Variants in ASAH1 observed in about 807,000 individuals in gnomAD.
ASAH1 encodes acid ceramidase.
Under a neutral mutation model 59.5 loss-of-function variants are expected in ASAH1, and 70 were observed. That is an observed-to-expected ratio of 1.18 (90% confidence interval 0.97 to 1.43). The LOEUF is 1.43. Ranked by LOEUF, ASAH1 falls within the 40% of genes most tolerant of loss-of-function variation. The pLI, the probability that ASAH1 is intolerant of heterozygous loss-of-function variation, is 0.00. For missense variants in ASAH1, 660 were observed against 482.5 expected (o/e 1.37, Z -3.45); for synonymous variants, 213 against 166.5 (o/e 1.28, Z -2.15).
At chr8:18,083,949 C>T in intron 1 of ASAH1, 32 bp downstream of exon 1, 8 of 1,590,528 alleles carry the variant, frequency 5.0e-6, no homozygotes, top group Non-Finnish European at 6.0e-6. Context: ...ACCTGCACGC[C>T]CCTCTCTGCG....
At position 18,062,340 on chromosome 8, in the gene ASAH1, T is replaced by C. The variant is rs1206454808; in HGVS notation, c.587A>G (p.Lys196Arg). 1 of 1,614,194 alleles carries C rather than the reference T, an allele frequency of 6.2e-7. No individual in the cohort carries two copies. Among genetic ancestry groups the C allele is most frequent in the African/African-American group, 1.3e-5 (1 of 75,052 alleles). ...TVNLDFQRNN[K>R]TVFKASSFAG... ...AAAGCTTGAAGCCTTGAAGACAGTT[T>C]TGTTGTTTCTTTGGAAATCCAAATT... The change falls in exon 8 of 14, where the codon AAA (lysine) becomes AGA (arginine). Residue 196 changes from lysine (K) to arginine (R), a missense_variant. By Grantham distance (26) the Lys-to-Arg change is conservative (BLOSUM62 2). Transcript: ENST00000637790.
rs12546423 is a variant in ASAH1 at position 18,071,605 on chromosome 8, G to T, written c.126-215C>A. Among the ~76,000 whole-genome samples the T allele has an allele frequency of 0.32, 49,070 of 151,890 alleles. 8,993 individuals carry two copies. Among genetic ancestry groups the T allele is most frequent in the South Asian group, 0.4 (1,945 of 4,812 alleles). On this transcript the variant is annotated intron_variant, in intron 2 of 13. Coordinates refer to ENST00000637790, the MANE Select transcript of ASAH1 (RefSeq NM_177924.5). ...GGTCACAGAAATCCTGGAATAGAAT[G>T]ATCTAGTAGGGAAGGTTCATGTGAA...
In ASAH1 at chr8:18,062,327, C is replaced by T. The variant is rs1312406201; in HGVS notation, c.600G>A (p.Lys200=). ...CCACATAGCCAGCAAAGCTTGAAGCCTTGAAGACAGTTTTGTTGTTTCTTT... is the reference window on the plus strand; with the variant it reads ...CCACATAGCCAGCAAAGCTTGAAGCTTTGAAGACAGTTTTGTTGTTTCTTT... ...DFQRNNKTVF[K]ASSFAGYVGM... Residue 200 remains lysine (K), a synonymous_variant, in exon 8 of 14, where the codon AAG becomes AAA. Transcript: ENST00000637790. 1 of 1,614,074 alleles carries T rather than the reference C, an allele frequency of 6.2e-7. No homozygotes were observed. Among genetic ancestry groups the T allele is most frequent in the Non-Finnish European group, 8.5e-7 (1 of 1,180,042 alleles).
intron 1 of ASAH1, among the ~76,000 whole-genome samples, chr8:18,081,094 C>G (rs1189046252): frequency 1.3e-5 from 2 of 152,090 alleles, no homozygotes; most frequent in Non-Finnish European, 2.9e-5. Flanking sequence ...TTAACATACA[C>G]CCCAAATGAA....
chr8:18,079,274 G>GAAAAAA (rs3831581), intron 1 of ASAH1, among the ~76,000 whole-genome samples: 1 of 116,882 alleles, frequency 8.6e-6, no homozygotes, highest in Non-Finnish European at 1.7e-5. Flanking sequence ...CTCCATCTCA[G>GAAAAAA]AAAAAAAAAA....
intron 5 of ASAH1, chr8:18,065,309 A>G (rs1799884407): frequency 6.6e-6 from 1 of 152,122 alleles, no homozygotes; most frequent in African/African-American, 2.4e-5. Flanking sequence ...TTACATAATA[A>G]AGGAATTAGA....
chr8:18,079,250 G>A (rs1313110011), intron 1 of ASAH1, among the ~76,000 whole-genome samples: 3 of 138,358 alleles, frequency 2.2e-5, no homozygotes, highest in African/African-American at 8.0e-5. Flanking sequence ...TCCAGCCTGG[G>A]AGACAGAGCA....
chr8:18,059,176 C>T, intron 12 of ASAH1, 165 bp downstream of exon 12: 1 of 1,077,222 alleles, frequency 9.3e-7, no homozygotes, highest in Non-Finnish European at 1.3e-6. Context: ...CACAATTTTG[C>T]TCTTTAAGTT....
intron 1 of ASAH1, among the ~76,000 whole-genome samples, chr8:18,079,906 T>C (rs577951755): frequency 6.6e-6 from 1 of 152,374 alleles, no homozygotes; most frequent in African/African-American, 2.4e-5. Flanking sequence ...TGGGCTTTGA[T>C]GGGATGGCAT....
intron 4 of ASAH1, among the ~76,000 whole-genome samples, chr8:18,069,153 A>AG (rs1004838059): frequency 6.6e-6 from 1 of 151,792 alleles, no homozygotes; most frequent in African/African-American, 2.4e-5. Flanking sequence ...AAAAAAAAAA[A>AG]AAAAAAAAGC....
intron 4 of ASAH1, 82 bp downstream of exon 4, chr8:18,069,710 G>A (rs535067938): frequency 1.7e-5 from 17 of 1,003,210 alleles, no homozygotes; most frequent in Non-Finnish European, 2.6e-5. Flanking sequence ...CCTGCGAAGA[G>A]GTTGCTGAAT....
intron 10 of ASAH1, 94 bp downstream of exon 10, chr8:18,061,283 C>G: frequency 8.8e-7 from 1 of 1,141,944 alleles, no homozygotes; most frequent in South Asian, 1.5e-5. Flanking sequence ...AATAGTTCCT[C>G]AAAGGATTAA....
At chr8:18,081,624 C>G (rs1800658043) in intron 1 of ASAH1, among the ~76,000 whole-genome samples, 1 of 152,170 alleles carries the variant, frequency 6.6e-6, no homozygotes, top group South Asian at 2.1e-4. Context: ...CTCAGGAGGA[C>G]CTTCACATAG....
chr8:18,077,012 G>C (rs981029469), intron 1 of ASAH1, among the ~76,000 whole-genome samples: 5 of 152,198 alleles, frequency 3.3e-5, no homozygotes, highest in Non-Finnish European at 1.5e-5. Flanking sequence ...AGCCATTCGT[G>C]TTCAGTAATA....
chr8:18,067,127 A>T, intron 5 of ASAH1, 93 bp downstream of exon 5: 2 of 560,572 alleles, frequency 3.6e-6, no homozygotes, highest in Non-Finnish European at 4.8e-6. Context: ...TCTAAGACAT[A>T]CAGCACCTGT....
chr8:18,061,049 G>A (rs1416791566), intron 10 of ASAH1: 4 of 268,808 alleles, frequency 1.5e-5, no homozygotes, highest in Non-Finnish European at 2.9e-5. Context: ...CACTGTGCCT[G>A]GTCTGTACTA....
chr8:18,064,210 C>A lies in ASAH1; in HGVS notation c.457+247G>T. ...AACTATGAGGAAGAGAAGAATGTTT[C>A]TAGCCCTGCAACATTTCTTCCAGGT... On this transcript the variant is annotated intron_variant, in intron 6 of 13. Coordinates refer to ENST00000637790, the MANE Select transcript of ASAH1 (RefSeq NM_177924.5). The A allele has an allele frequency of 6.8e-6, 4 of 585,398 alleles. No homozygotes were observed. In the South Asian group the frequency reaches 8.9e-5, roughly 13 times the overall value. 36.3% of individuals were successfully genotyped at this position (585,398 alleles called of 1,614,324 possible).
intron 1 of ASAH1, among the ~76,000 whole-genome samples, chr8:18,082,851 C>T (rs919595065): frequency 6.6e-6 from 1 of 152,120 alleles, no homozygotes; most frequent in African/African-American, 2.4e-5. Flanking sequence ...TCTCCCAATT[C>T]CCATAAAACC....
At chr8:18,068,818 C>A (rs1588988425) in intron 4 of ASAH1, 1 of 152,728 alleles carries the variant, frequency 6.5e-6, no homozygotes, top group East Asian at 1.9e-4. Flanking sequence ...TGTAGACAAG[C>A]CCACGACAAA....
Sources: gnomAD v4.1 joint callset for allele counts (sites outside exome capture counted in the v4.1 genomes callset) on GRCh38, gnomAD v4.1.1 for gene constraint, MANE v1.5 for transcripts, NCBI Gene and HGNC (gene_info 2026-07-23, HGNC 2026-07-21) for gene names.